Variants in PLCB4 observed in about 807,000 individuals in gnomAD.
PLCB4 encodes the protein 1-phosphatidylinositol 4,5-bisphosphate phosphodiesterase beta-4.
A neutral mutation model predicts 178.8 loss-of-function variants in PLCB4; 77 were observed. The observed-to-expected ratio is 0.43, with a 90% CI of 0.36 to 0.52. The LOEUF is 0.52. Ranked by LOEUF, PLCB4 falls within the 20% of genes least tolerant of loss-of-function variation. The probability of loss-of-function intolerance (pLI) is 0.00; values close to 1 mark genes in which losing one functional copy is unlikely to be tolerated. For synonymous variants in PLCB4, 496 were observed against 490.8 expected, an observed-to-expected ratio of 1.01 and a Z score of -0.14; for missense variants, 1,024 against 1,453.4, an observed-to-expected ratio of 0.70 and a Z score of 4.80.
chr20:9,349,137 A>G (rs1371994658), intron 7 of PLCB4, among the ~76,000 whole-genome samples: 1 of 152,198 alleles, frequency 6.6e-6, no homozygotes, highest in Non-Finnish European at 1.5e-5. Flanking sequence ...TCTTAATTCA[A>G]GTGAAATTTA....
intron 35 of PLCB4, among the ~76,000 whole-genome samples, chr20:9,464,488 G>A (rs564444496): frequency 3.4e-4 from 52 of 151,920 alleles, no homozygotes; most frequent in African/African-American, 1.1e-3. Flanking sequence ...CAATGAATCC[G>A]GGAGCTGGTT....
At chr20:9,195,987 C>T (rs2093467223) in intron 2 of PLCB4, among the ~76,000 whole-genome samples, 1 of 152,100 alleles carries the variant, frequency 6.6e-6, no homozygotes, top group Admixed American at 6.5e-5. Context: ...CTGATTCAGA[C>T]AACCTTGCAT....
chr20:9,329,546 G>A (rs991450931), intron 4 of PLCB4, among the ~76,000 whole-genome samples: 6 of 152,220 alleles, frequency 3.9e-5, no homozygotes, highest in Middle Eastern at 3.4e-3. Context: ...AGACTAGAAC[G>A]GCATCTCCCT....
chr20:9,154,321 G>C (rs2092743966), intron 2 of PLCB4, among the ~76,000 whole-genome samples: 1 of 152,098 alleles, frequency 6.6e-6, no homozygotes, highest in Admixed American at 6.6e-5. Context: ...GTCTTGTTTT[G>C]GGCAACTGCC....
chr20:9,257,431 T>C (rs1173171211), intron 3 of PLCB4, among the ~76,000 whole-genome samples: 4 of 152,220 alleles, frequency 2.6e-5, no homozygotes, highest in African/African-American at 9.6e-5. Flanking sequence ...TGTAGCCATA[T>C]AATTATGTAG....
In PLCB4 at chr20:9,220,294, C is replaced by A. The variant is rs1321312086; in HGVS notation, c.-16+2842C>A. On this transcript the variant is annotated intron_variant, in intron 3 of 39. Coordinates refer to ENST00000378473, the MANE Select transcript of PLCB4 (RefSeq NM_001377142.1). Reference sequence around the variant, plus strand: ...GAAGATACACTGTTCTTCTGAAAAACCTATCTAATGTTGGGGGTGCTTTCT... The same window carrying A: ...GAAGATACACTGTTCTTCTGAAAAAACTATCTAATGTTGGGGGTGCTTTCT... 3.3e-5 allele frequency among the ~76,000 whole-genome samples: 5 copies of A among 152,300 alleles called. No individual in the cohort carries two copies. The South Asian group carries it at 1.0e-3, about 32-fold the overall frequency.
intron 2 of PLCB4, among the ~76,000 whole-genome samples, chr20:9,213,188 G>C (rs2093692259): frequency 7.4e-6 from 1 of 134,752 alleles, no homozygotes; most frequent in Non-Finnish European, 1.5e-5. Flanking sequence ...CACCCAGGCT[G>C]GAGGGCAGTG....
chr20:9,412,395 A>G (rs925398729), intron 25 of PLCB4, among the ~76,000 whole-genome samples: 2 of 152,056 alleles, frequency 1.3e-5, no homozygotes, highest in African/African-American at 2.4e-5. Context: ...TTCTTGCTGT[A>G]TTGCCTAGAG....
At chr20:9,100,926 G>A (rs1428508943) in intron 2 of PLCB4, among the ~76,000 whole-genome samples, 1 of 152,106 alleles carries the variant, frequency 6.6e-6, no homozygotes, top group Admixed American at 6.6e-5. Context: ...ATGCTACGGT[G>A]TGTCGCCCGT....
intron 27 of PLCB4, 135 bp downstream of exon 27, chr20:9,421,596 C>T (rs1194553189): frequency 1.4e-6 from 1 of 693,730 alleles, no homozygotes; most frequent in African/African-American, 1.8e-5. Flanking sequence ...TGGCTAACTT[C>T]TGTAGCTGTC....
intron 33 of PLCB4, among the ~76,000 whole-genome samples, chr20:9,453,900 A>T (rs1381668825): frequency 1.3e-5 from 2 of 152,192 alleles, no homozygotes; most frequent in East Asian, 3.9e-4. Context: ...TCACATAATC[A>T]TAGTACAGTT....
At position 9,473,276 on chromosome 20, in the gene PLCB4, C is replaced by G; in HGVS notation, c.3409-3C>G. 7.8e-7 allele frequency: 1 copy of G among 1,274,792 alleles called. No homozygotes were observed. Among genetic ancestry groups the G allele is most frequent in the Non-Finnish European group, 1.0e-6 (1 of 977,580 alleles). The allele number at this position is 1,274,792 out of a possible 1,614,324, so 79.0% of individuals were successfully genotyped here. On this transcript the variant is annotated splice_polypyrimidine_tract_variant and splice_region_variant and intron_variant, in intron 37 of 39. Coordinates refer to ENST00000378473, the MANE Select transcript of PLCB4 (RefSeq NM_001377142.1). ...AGAATTTTTTTTTTTTTTTTTTTTG[C>G]AGCTTGCCATGAAGCAGTCCAAAGA...
At position 9,083,417 on chromosome 20, in the gene PLCB4, T is replaced by C. The variant is rs559397716; in HGVS notation, c.-134-12870T>C. Reference sequence around the variant, plus strand: ...CACACCGCAGGTGCTTGAGCCACACTGTGGAATGGGATACATAAGAAATGG... The same window carrying C: ...CACACCGCAGGTGCTTGAGCCACACCGTGGAATGGGATACATAAGAAATGG... On this transcript the variant is annotated intron_variant, in intron 1 of 39. Transcript: ENST00000378473. Among the ~76,000 whole-genome samples, 189 of 152,166 alleles carry C rather than the reference T, an allele frequency of 1.2e-3. 1 individual carries two copies. The highest frequency in any genetic ancestry group is 2.9e-4 in the Non-Finnish European group (20 of 68,002).
chr20:9,444,831 A>G (rs977756346), intron 32 of PLCB4, among the ~76,000 whole-genome samples: 1 of 152,158 alleles, frequency 6.6e-6, no homozygotes, highest in Admixed American at 6.5e-5. Flanking sequence ...TCACAATTCT[A>G]GCCACTAGTT....
chr20:9,156,156 A>G (rs2092784640), intron 2 of PLCB4, among the ~76,000 whole-genome samples: 1 of 152,134 alleles, frequency 6.6e-6, no homozygotes. Context: ...TGCCATGGGT[A>G]CTTCTGTTCT....
intron 32 of PLCB4, among the ~76,000 whole-genome samples, chr20:9,444,817 C>A (rs573695416): frequency 1.3e-5 from 2 of 152,056 alleles, no homozygotes; most frequent in African/African-American, 4.8e-5. Context: ...TATTGAAGAC[C>A]AGCTCACAAT....
In PLCB4 at chr20:9,189,425, G is replaced by A. The variant is rs373676654; in HGVS notation, c.-78-27965G>A. ...GGGTTGGTTAACTGTTCATTGTGGA[G>A]GGCTGTCCTATAGTGACATTCTGGG... On this transcript the variant is annotated intron_variant, in intron 2 of 39. Transcript: ENST00000378473. 4.0e-5 allele frequency among the ~76,000 whole-genome samples: 4 copies of A among 99,352 alleles called. No homozygotes were observed. In the East Asian group the frequency reaches 1.4e-3, roughly 36 times the overall value. The allele number at this position is 99,352 out of a possible 152,430, so 65.2% of individuals were successfully genotyped here.
chr20:9,303,617 T>C (rs948191059), intron 3 of PLCB4, among the ~76,000 whole-genome samples: 1 of 152,196 alleles, frequency 6.6e-6, no homozygotes, highest in Non-Finnish European at 1.5e-5. Context: ...TTCCATAACT[T>C]GGATATTGTG....
intron 3 of PLCB4, among the ~76,000 whole-genome samples, chr20:9,222,923 G>T (rs558593188): frequency 3.3e-5 from 5 of 152,226 alleles, no homozygotes; most frequent in African/African-American, 9.6e-5. Flanking sequence ...GGTCCAGAGA[G>T]AGTGAGCTGA....
Sources: allele counts gnomAD v4.1 joint callset (sites outside exome capture counted in the v4.1 genomes callset), GRCh38; gene constraint gnomAD v4.1.1; transcripts MANE v1.5; gene names NCBI Gene and HGNC (gene_info 2026-07-23, HGNC 2026-07-21).